The following SAE1 variants were observed in gnomAD, a reference collection of about 807,000 sequenced individuals.
SAE1 encodes the protein SUMO1 activating enzyme subunit 1, also known as SUMO-activating enzyme subunit 1.
SAE1 carries 11 observed loss-of-function variants against 40.6 expected under a neutral mutation model. The ratio of observed to expected loss-of-function variants is 0.27; its 90% confidence interval spans 0.17 to 0.45. SAE1 has a LOEUF of 0.45. Among genes scored for constraint, SAE1 ranks in the 20% least tolerant of loss-of-function variants. The pLI, the probability that SAE1 is intolerant of heterozygous loss-of-function variation, is 1.00. For missense variants in SAE1, 373 were observed against 427.3 expected (o/e 0.87, Z 1.12); for synonymous variants, 155 against 154.3 (o/e 1.00, Z -0.03).
chr19:47,201,530 C>G (rs759376997), intron 7 of SAE1, among the ~76,000 whole-genome samples: 2 of 151,184 alleles, frequency 1.3e-5, no homozygotes, highest in Non-Finnish European at 2.9e-5. Context: ...TGCCACCACG[C>G]CCAGCTAATT....
chr19:47,142,657 C>T (rs1341040084), intron 1 of SAE1: 1 of 152,212 alleles, frequency 6.6e-6, no homozygotes, highest in Non-Finnish European at 1.5e-5. Flanking sequence ...TTTTCAGCCT[C>T]TCTGTCATTC....
intron 7 of SAE1, among the ~76,000 whole-genome samples, chr19:47,200,359 C>T (rs1023410816): frequency 2.0e-4 from 29 of 148,112 alleles, no homozygotes; most frequent in South Asian, 1.3e-3. Flanking sequence ...CGGCCTCTTG[C>T]GTAGCTGGGA....
intron 6 of SAE1, among the ~76,000 whole-genome samples, chr19:47,187,269 C>G (rs1225400903): frequency 6.6e-6 from 1 of 152,156 alleles, no homozygotes; most frequent in African/African-American, 2.4e-5. Context: ...CTGAGCTTCA[C>G]ACCTATGGAC....
intron 6 of SAE1, among the ~76,000 whole-genome samples, chr19:47,196,333 CTTTTTTTTTTTTTTTT>C (rs61498882): frequency 5.4e-4 from 15 of 27,888 alleles, no homozygotes; most frequent in African/African-American, 2.0e-3. Flanking sequence ...CCGCGCCTGG[CTTTTTTTTTTTTTTTT>C]TTTTTTTTTT....
At chr19:47,163,334 A>G (rs1380827224) in intron 5 of SAE1, among the ~76,000 whole-genome samples, 4 of 152,194 alleles carry the variant, frequency 2.6e-5, no homozygotes, top group South Asian at 2.1e-4. Flanking sequence ...CCAAACATGT[A>G]CAGACTTTTT....
At chr19:47,154,634 A>G (rs1182561621) in intron 4 of SAE1, among the ~76,000 whole-genome samples, 1 of 150,386 alleles carries the variant, frequency 6.6e-6, no homozygotes, top group East Asian at 2.0e-4. Flanking sequence ...AGCTGGGATT[A>G]CAGGCGCCCA....
chr19:47,143,456 T>C, intron 1 of SAE1, 38 bp from the exon 2 acceptor site: 2 of 1,507,220 alleles, frequency 1.3e-6, no homozygotes, highest in East Asian at 2.3e-5. Context: ...GCAAGCTCAC[T>C]GTTCTGTATC....
At chr19:47,140,420 T>G (rs2058213840) in intron 1 of SAE1, among the ~76,000 whole-genome samples, 2 of 152,008 alleles carry the variant, frequency 1.3e-5, no homozygotes, top group Admixed American at 1.3e-4. Flanking sequence ...CCCGGCTAAT[T>G]TTTGTAATTT....
intron 4 of SAE1, among the ~76,000 whole-genome samples, chr19:47,154,480 C>CTT (rs57870733): frequency 0.019 from 983 of 51,618 alleles, 238 homozygotes; most frequent in African/African-American, 0.028. Context: ...TTAAGTTTGG[C>CTT]TTTTTTTTTT....
chr19:47,207,143 G>A lies in SAE1; in HGVS notation c.949-2016G>A, dbSNP rs528768054. On this transcript the variant is annotated intron_variant, in intron 8 of 8. Coordinates refer to ENST00000270225, the MANE Select transcript of SAE1 (RefSeq NM_005500.3). ...ACAAAAGTCCCAGCTACTCAAGAGG[G>A]TATGGGAGGATATCTGGAGCTGGGG... 1.2e-3 allele frequency among the ~76,000 whole-genome samples: 179 copies of A among 152,288 alleles called. 2 individuals carry two copies. Among genetic ancestry groups the A allele is most frequent in the Admixed American group, 2.2e-3 (34 of 15,286 alleles).
chr19:47,160,214 ATTTTTTTTT>A (rs748289334), intron 5 of SAE1, among the ~76,000 whole-genome samples: 9 of 74,590 alleles, frequency 1.2e-4, no homozygotes, highest in African/African-American at 3.3e-4. Context: ...AAAATCCTGC[ATTTTTTTTT>A]TTTTTTTTTT....
chr19:47,145,121 A>G (rs1244856498), intron 2 of SAE1, among the ~76,000 whole-genome samples: 1 of 151,270 alleles, frequency 6.6e-6, no homozygotes, highest in Non-Finnish European at 1.5e-5. Context: ...TCCTGCCTCA[A>G]TCTCCCGAGT....
intron 2 of SAE1, among the ~76,000 whole-genome samples, chr19:47,146,910 G>T (rs946189979): frequency 6.6e-6 from 1 of 152,138 alleles, no homozygotes; most frequent in African/African-American, 2.4e-5. Flanking sequence ...GAAAACGGCT[G>T]GTGGGCAGTA....
rs200195395 is a variant in SAE1 at position 47,143,541 on chromosome 19, C to T, written c.146C>T (p.Ala49Val). 1 of 1,614,006 alleles carries T rather than the reference C, an allele frequency of 6.2e-7. No homozygotes were observed. Among genetic ancestry groups the T allele is most frequent in the Non-Finnish European group, 8.5e-7 (1 of 1,180,022 alleles). Reference sequence around the variant, plus strand: ...CTTGTCGGCTTGAAAGGACTTGGGGCTGAAATTGCCAAGAATCTCATCTTG... The same window carrying T: ...CTTGTCGGCTTGAAAGGACTTGGGGTTGAAATTGCCAAGAATCTCATCTTG... ...VLLVGLKGLG[A>V]EIAKNLILAG... The change falls in exon 2 of 9, where the codon GCT (alanine) becomes GTT (valine). Residue 49 changes from alanine to valine, a missense_variant. Physicochemically the swap from Ala to Val is moderately conservative, Grantham distance 64. Around this residue, in one of 3 missense-constraint regions of SAE1, gnomAD observed 351 missense variants for 390.6 expected, o/e 0.90. Coordinates refer to ENST00000270225, the MANE Select transcript of SAE1 (RefSeq NM_005500.3).
At chr19:47,189,742 G>T (rs1358322977) in intron 6 of SAE1, among the ~76,000 whole-genome samples, 1 of 152,106 alleles carries the variant, frequency 6.6e-6, no homozygotes, top group Non-Finnish European at 1.5e-5. Context: ...AACTGTTTTT[G>T]GGGGCCAGCA....
At chr19:47,179,096 G>T (rs1469897680) in intron 6 of SAE1, among the ~76,000 whole-genome samples, 1 of 151,444 alleles carries the variant, frequency 6.6e-6, no homozygotes, top group Non-Finnish European at 1.5e-5. Context: ...GGAGGCTGAG[G>T]CAGGAGAATG....
chr19:47,163,967 C>T (rs913688026), intron 5 of SAE1, among the ~76,000 whole-genome samples: 3 of 151,092 alleles, frequency 2.0e-5, no homozygotes, highest in African/African-American at 7.3e-5. Context: ...GGCGTTTTCA[C>T]CTTGTTCGCC....
intron 2 of SAE1, among the ~76,000 whole-genome samples, chr19:47,146,387 A>G (rs1383079296): frequency 6.6e-6 from 1 of 152,188 alleles, no homozygotes; most frequent in Non-Finnish European, 1.5e-5. Flanking sequence ...AAGACCACTT[A>G]GAAGGCAGTT....
chr19:47,189,780 T>C (rs1456973158), intron 6 of SAE1, among the ~76,000 whole-genome samples: 1 of 152,136 alleles, frequency 6.6e-6, no homozygotes, highest in East Asian at 1.9e-4. Context: ...GACAGTGACT[T>C]TATTTTCTTC....
Sources: allele counts gnomAD v4.1 joint callset (sites outside exome capture counted in the v4.1 genomes callset), GRCh38; gene constraint gnomAD v4.1.1; regional missense constraint gnomAD v4.1.1; transcripts MANE v1.5; gene names NCBI Gene and HGNC (gene_info 2026-07-23, HGNC 2026-07-21).